The following FNDC1 variants were observed in gnomAD, a reference collection of about 807,000 sequenced individuals.
The protein encoded by FNDC1 is fibronectin type III domain-containing protein 1.
In FNDC1, 96 loss-of-function variants were observed where a neutral mutation model predicts 168.0. That is an observed-to-expected ratio of 0.57 (90% confidence interval 0.48 to 0.68). The LOEUF (loss-of-function observed/expected upper bound fraction) is 0.68, where lower values mean the gene tolerates loss of function less well. FNDC1 is among the 30% of genes least tolerant of loss of function. The probability of loss-of-function intolerance (pLI) is 0.00; values close to 1 mark genes in which losing one functional copy is unlikely to be tolerated. For missense variants in FNDC1, 2,587 were observed against 2,482.1 expected, an observed-to-expected ratio of 1.04 and a Z score of -0.90; for synonymous variants, 1,099 against 1,025.9, an observed-to-expected ratio of 1.07 and a Z score of -1.36.
chr6:159,230,265 A>G lies in FNDC1; in HGVS notation c.1369+262A>G, dbSNP rs148377168. Among the ~76,000 whole-genome samples the G allele has an allele frequency of 1.7e-3, 260 of 152,332 alleles. 2 individuals carry two copies. The highest frequency in any genetic ancestry group is 0.01 in the Middle Eastern group (3 of 294). On this transcript the variant is annotated intron_variant, in intron 10 of 22. Transcript: ENST00000297267. ...ATTATATAATTAATCTGACATCATTATTTAACTTTAGGCTTGTGGTAACAG... is the reference window on the plus strand; with the variant it reads ...ATTATATAATTAATCTGACATCATTGTTTAACTTTAGGCTTGTGGTAACAG...
intron 7 of FNDC1, among the ~76,000 whole-genome samples, chr6:159,224,802 T>G (rs1322862576): frequency 6.6e-6 from 1 of 152,252 alleles, no homozygotes; most frequent in Non-Finnish European, 1.5e-5. Flanking sequence ...AAATGCTTTC[T>G]ACTGCAAAGA....
intron 1 of FNDC1, among the ~76,000 whole-genome samples, chr6:159,184,857 C>A (rs1358752832): frequency 6.6e-6 from 1 of 151,904 alleles, no homozygotes; most frequent in East Asian, 1.9e-4. Context: ...GAAGAATGTG[C>A]GAAAAAATTC....
chr6:159,187,664 A>G (rs1363729609), intron 1 of FNDC1, among the ~76,000 whole-genome samples: 1 of 152,112 alleles, frequency 6.6e-6, no homozygotes, highest in Non-Finnish European at 1.5e-5. Flanking sequence ...GAACCACAAA[A>G]CAACCTGGAC....
intron 4 of FNDC1, among the ~76,000 whole-genome samples, chr6:159,210,013 G>C (rs149497242): frequency 6.6e-6 from 1 of 152,340 alleles, no homozygotes; most frequent in African/African-American, 2.4e-5. Flanking sequence ...AAGAGGAATA[G>C]TGCACTGAGC....
intron 12 of FNDC1, 60 bp downstream of exon 12, chr6:159,236,375 G>A (rs1716614743): frequency 9.0e-7 from 1 of 1,107,414 alleles, no homozygotes. Flanking sequence ...GAGAAAAATG[G>A]TGGACATTGT....
Position 159,271,359 on chromosome 6 carries a change from A to G in FNDC1, c.5602A>G (p.Arg1868Gly). 1 of 1,612,080 alleles carries G rather than the reference A, an allele frequency of 6.2e-7. No individual in the cohort carries two copies. The highest frequency in any genetic ancestry group is 1.7e-5 in the Admixed American group (1 of 59,834). ...YYRQYRQEPV[R>G]FGNIGFGTPY... is the part of the protein sequence containing the mutation. ...TCGCCAGTATCGTCAGGAGCCTGTC[A>G]GGTTTGGGAACATCGGCTTCGGAAC... is the stretch of plus-strand genomic sequence containing the variant. Residue 1868 changes from arginine to glycine, a missense_variant, in exon 23 of 23, where the codon AGG becomes GGG. Coordinates refer to ENST00000297267, the MANE Select transcript of FNDC1 (RefSeq NM_032532.3).
rs116342739 is a variant in FNDC1, at chr6:159,229,816, A to G, written c.1182A>G (p.Glu394=). The G allele has an allele frequency of 1.5e-3, 2,336 of 1,609,160 alleles. 32 individuals are homozygous for G. In the African/African-American group the frequency reaches 0.028, roughly 19 times the overall value. Residue 394 remains glutamate (E), a splice_region_variant and synonymous_variant, in exon 10 of 23, where the codon GAA becomes GAG. Transcript: ENST00000297267. The part of the protein sequence containing the change: ...ALPETEGKVK[E]YILSYAPALK... The stretch of plus-strand genomic sequence containing the variant: ...CAACCATCTGCCAAATCATTTCAGA[A>G]TACATTCTTTCATACGCCCCGGCTC...
Position 159,236,403 on chromosome 6 carries a change from G to A in FNDC1, c.4068+88G>A, listed in dbSNP as rs1374948919. The A allele has an allele frequency of 1.9e-5, 16 of 860,566 alleles. No homozygotes were observed. The South Asian group carries it at 2.6e-4, about 14-fold the overall frequency. 53.3% of individuals were successfully genotyped at this position (860,566 alleles called of 1,614,324 possible). On this transcript the variant is annotated intron_variant, in intron 12 of 22. Transcript: ENST00000297267. Reference sequence around the variant, plus strand: ...GACATTGTGTAATGATAAATGAAGTGGTCTTTGTTTGTTCTTCTTCTCTAG... The same window carrying A: ...GACATTGTGTAATGATAAATGAAGTAGTCTTTGTTTGTTCTTCTTCTCTAG...
chr6:159,231,930 A>G lies in FNDC1; in HGVS notation c.1418A>G (p.Glu473Gly). ...AACACGGAGGACAATGGGAAACCCG[A>G]AAAACCTGAGCCTTCCTCACCTTCT... is the stretch of plus-strand genomic sequence containing the variant. ...EQNTEDNGKPEKPEPSSPSPR... is the reference protein window; with the variant it reads ...EQNTEDNGKPGKPEPSSPSPR... The change falls in exon 11 of 23, where the codon GAA becomes GGA. Residue 473 changes from glutamate (E) to glycine (G), a missense_variant. Physicochemically the swap from Glu to Gly is moderately conservative, Grantham distance 98 (BLOSUM62 -2). Coordinates refer to ENST00000297267, the MANE Select transcript of FNDC1 (RefSeq NM_032532.3). 1 of 1,613,050 alleles carries G rather than the reference A, an allele frequency of 6.2e-7. No individual in the cohort carries two copies. The highest frequency in any genetic ancestry group is 1.7e-5 in the Admixed American group (1 of 59,858).
intron 4 of FNDC1, among the ~76,000 whole-genome samples, chr6:159,209,170 C>T (rs73021884): frequency 0.062 from 9,474 of 152,180 alleles, 465 homozygotes; most frequent in East Asian, 0.27. Context: ...TAAACAAACA[C>T]CAAAATATTA....
intron 22 of FNDC1, among the ~76,000 whole-genome samples, chr6:159,269,205 ATATCTATCTATCTATCTATCTATCTATC>A (rs148868340): frequency 9.5e-5 from 11 of 115,708 alleles, no homozygotes; most frequent in African/African-American, 3.0e-4. Context: ...CTACCTATTC[ATATCTATCTATCTATCTATCTATCTATC>A]TATCTATCTA....
intron 7 of FNDC1, among the ~76,000 whole-genome samples, chr6:159,225,055 C>T (rs547210154): frequency 6.6e-6 from 1 of 152,296 alleles, no homozygotes; most frequent in East Asian, 1.9e-4. Context: ...TCCCGTTCCT[C>T]CTGAACCTAT....
intron 5 of FNDC1, among the ~76,000 whole-genome samples, chr6:159,216,528 C>G (rs896202804): frequency 6.6e-6 from 1 of 152,176 alleles, no homozygotes; most frequent in Non-Finnish European, 1.5e-5. Flanking sequence ...ACTTATCCCT[C>G]GGGCCTGATG....
Position 159,251,622 on chromosome 6 carries a change from C to T in FNDC1, c.5065+90C>T, listed in dbSNP as rs1777267297. 3.1e-5 allele frequency: 35 copies of T among 1,124,706 alleles called. 1 individual carries two copies. The South Asian group carries it at 4.9e-4, about 16-fold the overall frequency. The allele number at this position is 1,124,706 out of a possible 1,614,324, so 69.7% of individuals were successfully genotyped here. A position where few individuals can be genotyped will look rare whatever the true frequency, so the allele number is the denominator to read the frequency against. ...TGGTGGATGAGTGGATGGGTGCATG[C>T]ATGGATGAGTGGGTTGGATGGGTTG... On this transcript the variant is annotated intron_variant, in intron 17 of 22. Transcript: ENST00000297267.
intron 1 of FNDC1, 103 bp from the exon 2 acceptor site, chr6:159,197,328 T>A: frequency 9.0e-7 from 1 of 1,112,900 alleles, no homozygotes; most frequent in Admixed American, 2.3e-5. Context: ...TCATACTGAT[T>A]AAACGTCATT....
Position 159,232,367 on chromosome 6 carries a change from T to A in FNDC1, c.1855T>A (p.Ser619Thr), listed in dbSNP as rs932689578. 1 of 1,613,466 alleles carries A rather than the reference T, an allele frequency of 6.2e-7. No individual in the cohort carries two copies. The highest frequency in any genetic ancestry group is 8.5e-7 in the Non-Finnish European group (1 of 1,179,646). ...AGGGGCGCCCCCCTCGGCTTCGGCC[T>A]CTCCTGCCCACCACGCGTCCACCCA... ...RPGAPPSASA[S>T]PAHHASTQGT... The change falls in exon 11 of 23, where the codon TCT becomes ACT. Residue 619 changes from serine to threonine, a missense_variant. Ser to Thr is a moderately conservative substitution (Grantham distance 58, BLOSUM62 1). Coordinates refer to ENST00000297267, the MANE Select transcript of FNDC1 (RefSeq NM_032532.3). The surrounding 1 kb of genome is among the most constrained non-coding windows in gnomAD (Gnocchi z 4.9).
intron 4 of FNDC1, among the ~76,000 whole-genome samples, chr6:159,212,110 G>GACC (rs1394877966): frequency 1.3e-5 from 2 of 152,232 alleles, no homozygotes; most frequent in African/African-American, 4.8e-5. Context: ...TCACCCAGGG[G>GACC]ACCTGCCAAG....
At position 159,234,140 on chromosome 6, in the gene FNDC1, A is replaced by C. The variant is rs760008822; in HGVS notation, c.3628A>C (p.Arg1210=). ...AAAGTGGCCCTCTTCCTCCACTCCC[A>C]GGGGCGGCAAAGACGCCGATGGGAG... is the stretch of plus-strand genomic sequence containing the variant. The part of the protein sequence containing the change: ...VPKWPSSSTP[R]GGKDADGSLA... Residue 1210 remains arginine, a synonymous_variant, in exon 11 of 23, where the codon AGG becomes CGG. Transcript: ENST00000297267. 6.2e-7 allele frequency: 1 copy of C among 1,601,688 alleles called. No homozygotes were observed. The highest frequency in any genetic ancestry group is 2.2e-5 in the East Asian group (1 of 44,730).
In FNDC1 at chr6:159,197,504, A is replaced by G; in HGVS notation, c.183A>G (p.Pro61=). The G allele has an allele frequency of 6.2e-7, 1 of 1,614,006 alleles. No homozygotes were observed. Among genetic ancestry groups the G allele is most frequent in the Non-Finnish European group, 8.5e-7 (1 of 1,179,884 alleles). The change falls in exon 2 of 23, where the codon CCA becomes CCG. Residue 61 remains proline, a synonymous_variant. Transcript: ENST00000297267. ...TGGGCCTGAAAGTCACGTGGGACCC[A>G]CCCAAAGATGCTACCAGTAGACCTG... ...TKMGLKVTWD[P]PKDATSRPVE...
Sources: gnomAD v4.1 joint callset for allele counts (sites outside exome capture counted in the v4.1 genomes callset) on GRCh38, gnomAD v4.1.1 for gene constraint, Gnocchi (gnomAD v3.1) non-coding constraint, MANE v1.5 for transcripts, NCBI Gene and HGNC (gene_info 2026-07-23, HGNC 2026-07-21) for gene names.